Variants in MAGI2 observed in about 807,000 individuals in gnomAD.
The protein encoded by MAGI2 is membrane associated guanylate kinase, WW and PDZ domain containing 2.
Under a neutral mutation model 133.3 loss-of-function variants are expected in MAGI2, and 35 were observed. That is an observed-to-expected ratio of 0.26 (90% CI 0.20 to 0.35). The LOEUF (loss-of-function observed/expected upper bound fraction) is 0.35. MAGI2 is among the 10% of genes least tolerant of loss of function. The probability of loss-of-function intolerance (pLI) is 1.00; values close to 1 mark genes in which losing one functional copy is unlikely to be tolerated. For missense variants in MAGI2, 1,636 were observed against 1,863.4 expected (o/e 0.88, Z 2.25); for synonymous variants, 729 against 710.6 (o/e 1.03, Z -0.41).
chr7:78,538,458 G>C (rs769946711), intron 3 of MAGI2, among the ~76,000 whole-genome samples: 5 of 152,206 alleles, frequency 3.3e-5, no homozygotes, highest in African/African-American at 4.8e-5. Context: ...CCATCAATGA[G>C]CATGAGATGT....
At chr7:79,411,422 G>A (rs7795832) in intron 1 of MAGI2, 36,339 of 151,946 alleles carry the variant, frequency 0.24, 5,524 homozygotes, top group African/African-American at 0.41. Flanking sequence ...TGAAAACAAC[G>A]ACAACAATAA....
At chr7:79,098,474 A>G (rs1452561515) in intron 1 of MAGI2, among the ~76,000 whole-genome samples, 3 of 152,194 alleles carry the variant, frequency 2.0e-5, no homozygotes, top group African/African-American at 7.2e-5. Flanking sequence ...TTATTTTGCC[A>G]TTATTAGGGC....
At chr7:78,136,251 C>T (rs62461232) in intron 16 of MAGI2, among the ~76,000 whole-genome samples, 16,601 of 152,020 alleles carry the variant, frequency 0.11, 1,187 homozygotes, top group Non-Finnish European at 0.16. Context: ...TCCCGAGTAG[C>T]TGGGACTACA....
chr7:78,761,827 A>G (rs1235643557), intron 2 of MAGI2, among the ~76,000 whole-genome samples: 1 of 151,990 alleles, frequency 6.6e-6, no homozygotes, highest in African/African-American at 2.4e-5. Context: ...GGCAATGCTG[A>G]TGCTGGTCTA....
intron 1 of MAGI2, among the ~76,000 whole-genome samples, chr7:79,069,192 A>G (rs1386135746): frequency 2.0e-5 from 3 of 152,112 alleles, no homozygotes; most frequent in Admixed American, 1.3e-4. Context: ...CAGTGTGGAC[A>G]GTGGGGTGTT....
At chr7:78,728,731 A>C (rs1821079023) in intron 2 of MAGI2, among the ~76,000 whole-genome samples, 3 of 134,856 alleles carry the variant, frequency 2.2e-5, no homozygotes, top group Non-Finnish European at 3.2e-5. Flanking sequence ...ACGCCCGGCT[A>C]ATTTTTTGTA....
intron 10 of MAGI2, among the ~76,000 whole-genome samples, chr7:78,219,125 A>G (rs1226987511): frequency 6.6e-6 from 1 of 152,060 alleles, no homozygotes; most frequent in Non-Finnish European, 1.5e-5. Context: ...TACCTTCCTA[A>G]TGAGATAAGG....
chr7:79,163,427 G>A (rs1824591930), intron 1 of MAGI2, among the ~76,000 whole-genome samples: 1 of 152,052 alleles, frequency 6.6e-6, no homozygotes, highest in Admixed American at 6.6e-5. Flanking sequence ...GCCTGCCTCA[G>A]CCTCCCAAAG....
At chr7:79,145,049 C>A (rs182321931) in intron 1 of MAGI2, among the ~76,000 whole-genome samples, 1 of 152,194 alleles carries the variant, frequency 6.6e-6, no homozygotes, top group East Asian at 1.9e-4. Context: ...TAGGGGTTGA[C>A]AAGGTTCTTC....
At chr7:78,255,558 C>T (rs1181353361) in intron 10 of MAGI2, 2 of 397,980 alleles carry the variant, frequency 5.0e-6, no homozygotes, top group African/African-American at 2.1e-5. Flanking sequence ...CGATTAAAAG[C>T]GTTGCTTCCA....
intron 2 of MAGI2, among the ~76,000 whole-genome samples, chr7:78,745,271 C>T (rs1194004603): frequency 1.3e-5 from 2 of 152,102 alleles, no homozygotes; most frequent in Non-Finnish European, 2.9e-5. Context: ...AGCTGCTAAG[C>T]GGTAGAGCTC....
intron 14 of MAGI2, 36 bp downstream of exon 14, chr7:78,177,975 A>T: frequency 7.0e-7 from 1 of 1,428,882 alleles, no homozygotes; most frequent in Non-Finnish European, 9.9e-7. Context: ...CATACAATAC[A>T]GCCCCAAGCA....
chr7:78,551,688 A>C (rs1163225660), intron 3 of MAGI2, among the ~76,000 whole-genome samples: 1 of 152,198 alleles, frequency 6.6e-6, no homozygotes, highest in African/African-American at 2.4e-5. Flanking sequence ...ATTATACGAA[A>C]GTTTAAAATA....
At position 78,843,993 on chromosome 7, in the gene MAGI2, TTA is replaced by T. The variant is rs201881157; in HGVS notation, c.418+163095_418+163096del. ...ATATAAAAAATAATATATATATTAT[TTA>T]TATATATATATTTATTATTTCTGTG... On this transcript the variant is annotated intron_variant, in intron 2 of 21. Coordinates refer to ENST00000354212, the MANE Select transcript of MAGI2 (RefSeq NM_012301.4). Among the ~76,000 whole-genome samples the T allele has an allele frequency of 6.0e-3, 879 of 146,916 alleles. 10 individuals are homozygous for T. Among genetic ancestry groups the T allele is most frequent in the African/African-American group, 0.02 (813 of 40,644 alleles).
At chr7:78,272,013 C>A (rs1295693220) in intron 9 of MAGI2, among the ~76,000 whole-genome samples, 1 of 152,128 alleles carries the variant, frequency 6.6e-6, no homozygotes, top group Non-Finnish European at 1.5e-5. Context: ...TCTTGCTTCT[C>A]TAGTTCTTTT....
chr7:78,978,400 A>C lies in MAGI2; in HGVS notation c.418+28690T>G, dbSNP rs180762832. Among the ~76,000 whole-genome samples the C allele has an allele frequency of 2.0e-4, 31 of 151,998 alleles. No individual in the cohort carries two copies. The East Asian group carries it at 5.7e-3, about 28-fold the overall frequency. ...CATGAATTGTCAACCCATTTTTCTAAGTGAAAGTTGGTCAGAAAGCTATGT... is the reference window on the plus strand; with the variant it reads ...CATGAATTGTCAACCCATTTTTCTACGTGAAAGTTGGTCAGAAAGCTATGT... On this transcript the variant is annotated intron_variant, in intron 2 of 21. Coordinates refer to ENST00000354212, the MANE Select transcript of MAGI2 (RefSeq NM_012301.4).
intron 2 of MAGI2, among the ~76,000 whole-genome samples, chr7:78,712,742 T>C (rs1346771274): frequency 6.6e-6 from 1 of 152,200 alleles, no homozygotes; most frequent in African/African-American, 2.4e-5. Flanking sequence ...TGAGGATCTT[T>C]AATAACTTCT....
At chr7:78,468,324 C>CT (rs1279781020) in intron 6 of MAGI2, among the ~76,000 whole-genome samples, 2 of 152,078 alleles carry the variant, frequency 1.3e-5, no homozygotes, top group Non-Finnish European at 2.9e-5. Flanking sequence ...TGGCTACTAA[C>CT]TAGTCCAGGC....
chr7:79,081,538 G>T (rs1011388377), intron 1 of MAGI2, among the ~76,000 whole-genome samples: 3 of 152,054 alleles, frequency 2.0e-5, no homozygotes, highest in African/African-American at 2.4e-5. Context: ...AAATAAGCTT[G>T]GGGAGGGAAA....
Sources: gnomAD v4.1 joint callset for allele counts (sites outside exome capture counted in the v4.1 genomes callset) on GRCh38, gnomAD v4.1.1 for gene constraint, MANE v1.5 for transcripts, NCBI Gene and HGNC (gene_info 2026-07-23, HGNC 2026-07-21) for gene names.